FAM13C: variants seen among roughly 807,000 people sequenced by gnomAD.
The protein encoded by FAM13C is family with sequence similarity 13 member C, also known as protein FAM13C.
FAM13C carries 37 observed loss-of-function variants against 73.2 expected under a neutral mutation model. That is an observed-to-expected ratio of 0.51 (90% CI 0.39 to 0.67). The LOEUF (loss-of-function observed/expected upper bound fraction) is 0.67, where lower values mean the gene tolerates loss of function less well. Ranked by LOEUF, FAM13C falls within the 30% of genes least tolerant of loss-of-function variation. FAM13C has a pLI of 0.00. For synonymous variants in FAM13C, 246 were observed against 260.9 expected (o/e 0.94, Z 0.55); for missense variants, 589 against 715.6 (o/e 0.82, Z 2.02).
At chr10:59,336,878 T>C (rs1233246270) in intron 3 of FAM13C, among the ~76,000 whole-genome samples, 3 of 152,192 alleles carry the variant, frequency 2.0e-5, no homozygotes, top group African/African-American at 7.2e-5. Flanking sequence ...CAATCCAGCC[T>C]CTACAAACTT....
At chr10:59,300,087 A>T (rs1376382264) in intron 5 of FAM13C, among the ~76,000 whole-genome samples, 2 of 152,168 alleles carry the variant, frequency 1.3e-5, no homozygotes, top group Non-Finnish European at 2.9e-5. Context: ...ACACACAGAG[A>T]CAACATACAT....
intron 3 of FAM13C, among the ~76,000 whole-genome samples, chr10:59,344,956 C>G (rs761002546): frequency 2.0e-5 from 3 of 152,080 alleles, no homozygotes; most frequent in African/African-American, 7.2e-5. Flanking sequence ...CTCTATGTGT[C>G]GGTAGATCTT....
intron 2 of FAM13C, among the ~76,000 whole-genome samples, chr10:59,353,921 A>G (rs1455123539): frequency 6.6e-6 from 1 of 152,232 alleles, no homozygotes; most frequent in Non-Finnish European, 1.5e-5. Flanking sequence ...TTTACAATTA[A>G]AAAAATTCTA....
In FAM13C at chr10:59,352,427, T is replaced by C. The variant is rs553918259; in HGVS notation, c.167A>G (p.Glu56Gly). ...CTCCCAAGAGGGCGGCGCGTGCTCT[T>C]CTACCAGAGCCCCTGCGTCGGGGTA... Reference protein sequence around the residue: ...ENYPDAGALVEEHAPPSWEPQ... With the variant: ...ENYPDAGALVGEHAPPSWEPQ... Residue 56 changes from glutamate (E) to glycine (G), a missense_variant, in exon 3 of 14, where the codon GAA becomes GGA. By Grantham distance (98) the Glu-to-Gly change is moderately conservative (BLOSUM62 -2). Transcript: ENST00000618804. 5.7e-5 allele frequency: 92 copies of C among 1,613,776 alleles called. 1 individual carries two copies. The South Asian group carries it at 8.7e-4, about 15-fold the overall frequency.
intron 13 of FAM13C, among the ~76,000 whole-genome samples, chr10:59,250,805 T>A (rs994543190): frequency 6.6e-6 from 1 of 152,218 alleles, no homozygotes; most frequent in Admixed American, 6.5e-5. Flanking sequence ...TCTTCATTTA[T>A]TTATTTTTGT....
rs564501832 is a variant in FAM13C, at chr10:59,266,009, T to A, written c.943-1843A>T. ...CCTCCTAAGTGCCATTGTATGAGATTTGTGATCTGCCAAAGATGGTTCAAA... is the reference window on the plus strand; with the variant it reads ...CCTCCTAAGTGCCATTGTATGAGATATGTGATCTGCCAAAGATGGTTCAAA... On this transcript the variant is annotated intron_variant, in intron 8 of 13. Coordinates refer to ENST00000618804, the MANE Select transcript of FAM13C (RefSeq NM_198215.4). Among the ~76,000 whole-genome samples, 17 of 152,320 alleles carry A rather than the reference T, an allele frequency of 1.1e-4. 1 individual carries two copies. The South Asian group carries it at 3.5e-3, about 32-fold the overall frequency.
At chr10:59,350,544 G>A (rs1724426123) in intron 3 of FAM13C, among the ~76,000 whole-genome samples, 1 of 152,166 alleles carries the variant, frequency 6.6e-6, no homozygotes, top group Non-Finnish European at 1.5e-5. Context: ...AGTGCATTCA[G>A]TAATAATCTC....
At chr10:59,263,676 C>T (rs973765530) in intron 9 of FAM13C, among the ~76,000 whole-genome samples, 17 of 152,170 alleles carry the variant, frequency 1.1e-4, no homozygotes, top group African/African-American at 3.1e-4. Flanking sequence ...CCTGGCCCAC[C>T]ACCTTCCAGC....
chr10:59,257,725 A>G (rs1023717880), intron 10 of FAM13C, among the ~76,000 whole-genome samples: 2 of 152,230 alleles, frequency 1.3e-5, no homozygotes, highest in African/African-American at 2.4e-5. Context: ...GGATATTATC[A>G]TAGAAAGCAA....
chr10:59,290,194 T>C (rs909999041), intron 5 of FAM13C, among the ~76,000 whole-genome samples: 24 of 152,224 alleles, frequency 1.6e-4, no homozygotes, highest in Admixed American at 6.5e-5. Flanking sequence ...CCACTTTAGT[T>C]GGGTTGAAAT....
intron 4 of FAM13C, among the ~76,000 whole-genome samples, 175 bp downstream of exon 4, chr10:59,323,813 A>G (rs1425255687): frequency 1.3e-5 from 2 of 152,216 alleles, no homozygotes; most frequent in Non-Finnish European, 2.9e-5. Flanking sequence ...ATTTACATTT[A>G]TCTTAAACTC....
At chr10:59,332,297 G>C (rs2134109027) in intron 3 of FAM13C, among the ~76,000 whole-genome samples, 1 of 152,078 alleles carries the variant, frequency 6.6e-6, no homozygotes, top group South Asian at 2.1e-4. Flanking sequence ...TGTGGGATAT[G>C]TTAATTTATA....
intron 10 of FAM13C, among the ~76,000 whole-genome samples, chr10:59,260,813 G>A (rs563108586): frequency 6.6e-6 from 1 of 152,182 alleles, no homozygotes; most frequent in African/African-American, 2.4e-5. Flanking sequence ...TTTTGCAAAT[G>A]AACTATTATC....
At chr10:59,360,739 C>T (rs1856287034) in intron 1 of FAM13C, among the ~76,000 whole-genome samples, 1 of 150,878 alleles carries the variant, frequency 6.6e-6, no homozygotes, top group South Asian at 2.1e-4. Context: ...TAAAATAAAT[C>T]ACTGTCACTC....
chr10:59,282,457 T>G (rs572928809), intron 6 of FAM13C: 1 of 152,240 alleles, frequency 6.6e-6, no homozygotes, highest in South Asian at 2.1e-4. Flanking sequence ...ATATAGTAGG[T>G]GTATATATTT....
intron 8 of FAM13C, 41 bp from the exon 9 acceptor site, chr10:59,264,207 G>A (rs1299477389): frequency 2.2e-6 from 3 of 1,373,798 alleles, no homozygotes; most frequent in African/African-American, 2.9e-5. Flanking sequence ...AGGGAGGGAA[G>A]GAGGGAGAGG....
chr10:59,323,893 G>T, intron 4 of FAM13C, 95 bp downstream of exon 4: 1 of 1,097,116 alleles, frequency 9.1e-7, no homozygotes, highest in Non-Finnish European at 1.4e-6. Flanking sequence ...GCAAAAGTCA[G>T]AAAGCCTTGC....
At chr10:59,340,638 CT>C (rs1198582023) in intron 3 of FAM13C, among the ~76,000 whole-genome samples, 2 of 151,912 alleles carry the variant, frequency 1.3e-5, no homozygotes, top group Admixed American at 1.3e-4. Flanking sequence ...GGGTTTGGTA[CT>C]TTTTTTCTCT....
chr10:59,362,928 A>T, upstream of FAM13C: 1 of 159,708 alleles, frequency 6.3e-6, no homozygotes, highest in Non-Finnish European at 1.3e-5. Flanking sequence ...AACCCCCCAC[A>T]CTCCCACCCC....
Sources: allele counts gnomAD v4.1 joint callset (sites outside exome capture counted in the v4.1 genomes callset), GRCh38; gene constraint gnomAD v4.1.1; transcripts MANE v1.5; gene names NCBI Gene and HGNC (gene_info 2026-07-23, HGNC 2026-07-21).